CSNK2A2IP: variants seen among roughly 807,000 people sequenced by gnomAD.
CSNK2A2IP encodes casein kinase 2 subunit alpha' interacting protein.
At chr3:88,435,425 T>C in the CSNK2A2IP span, among the ~76,000 whole-genome samples, 3 of 152,110 alleles carry the variant, frequency 2.0e-5, no homozygotes, top group Non-Finnish European at 4.4e-5. Context: ...AAGAAGAAAA[T>C]GGTCTCTTGG....
the CSNK2A2IP span, among the ~76,000 whole-genome samples, chr3:88,353,044 A>C: frequency 2.6e-5 from 4 of 152,206 alleles, no homozygotes; most frequent in Admixed American, 6.5e-5. Flanking sequence ...TTCTAAAAAA[A>C]TAAGGGCAAA....
chr3:88,438,933 C>A, the CSNK2A2IP span, among the ~76,000 whole-genome samples: 1 of 151,980 alleles, frequency 6.6e-6, no homozygotes, highest in East Asian at 1.9e-4. Flanking sequence ...TCATGTATCA[C>A]CGCTCCCAAA....
the CSNK2A2IP span, among the ~76,000 whole-genome samples, chr3:88,398,313 T>C: frequency 6.6e-6 from 1 of 152,148 alleles, no homozygotes; most frequent in African/African-American, 2.4e-5. Context: ...TAGAATAAGA[T>C]ACTTAAAAAT....
the CSNK2A2IP span, among the ~76,000 whole-genome samples, chr3:88,396,055 T>C: frequency 1.3e-5 from 2 of 151,824 alleles, no homozygotes; most frequent in African/African-American, 2.4e-5. Context: ...GAAACAGACA[T>C]TGATAAAAGA....
chr3:88,377,988 A>T, the CSNK2A2IP span, among the ~76,000 whole-genome samples: 3 of 152,040 alleles, frequency 2.0e-5, no homozygotes, highest in East Asian at 5.8e-4. Context: ...CATTTTTCAC[A>T]TACCTCAAAA....
the CSNK2A2IP span, among the ~76,000 whole-genome samples, chr3:88,363,188 C>G: frequency 6.6e-6 from 1 of 152,144 alleles, no homozygotes; most frequent in African/African-American, 2.4e-5. Flanking sequence ...CTCTTCAAGG[C>G]TTCTTTTCTT....
chr3:88,381,636 C>A, the CSNK2A2IP span, among the ~76,000 whole-genome samples: 3 of 152,146 alleles, frequency 2.0e-5, no homozygotes, highest in African/African-American at 7.2e-5. Flanking sequence ...AGACTCCAAG[C>A]ATGGAGACCC....
chr3:88,419,614 A>G, the CSNK2A2IP span, among the ~76,000 whole-genome samples: 4 of 152,128 alleles, frequency 2.6e-5, no homozygotes, highest in Admixed American at 1.3e-4. Context: ...TTCTTTGGAT[A>G]TATACTCAGT....
the CSNK2A2IP span, among the ~76,000 whole-genome samples, chr3:88,454,594 T>G: frequency 6.6e-6 from 1 of 151,912 alleles, no homozygotes; most frequent in Non-Finnish European, 1.5e-5. Flanking sequence ...ATTTTTGTAT[T>G]TACTTTGAGG....
chr3:88,386,004 A>G, the CSNK2A2IP span, among the ~76,000 whole-genome samples: 9 of 152,202 alleles, frequency 5.9e-5, no homozygotes, highest in Non-Finnish European at 1.0e-4. Context: ...ATAGTGGAAA[A>G]TATGTGAAAT....
chr3:88,410,395 T>G, the CSNK2A2IP span, among the ~76,000 whole-genome samples: 2 of 152,038 alleles, frequency 1.3e-5, no homozygotes, highest in African/African-American at 2.4e-5. Context: ...GGGACTCATA[T>G]GTTTATAAAG....
chr3:88,339,004 T>A, the CSNK2A2IP span, among the ~76,000 whole-genome samples: 47 of 152,222 alleles, frequency 3.1e-4, no homozygotes, highest in African/African-American at 1.1e-3. Flanking sequence ...TGTGTAATGT[T>A]CAAACCAGGG....
At chr3:88,393,966 C>A in the CSNK2A2IP span, among the ~76,000 whole-genome samples, 2 of 152,074 alleles carry the variant, frequency 1.3e-5, no homozygotes, top group Non-Finnish European at 2.9e-5. Context: ...CGCTAGGGGA[C>A]AATGATGACA....
chr3:88,395,089 G>A, the CSNK2A2IP span, among the ~76,000 whole-genome samples: 1 of 152,188 alleles, frequency 6.6e-6, no homozygotes, highest in Non-Finnish European at 1.5e-5. Flanking sequence ...GTGTGCATGT[G>A]TGTTTAAGTA....
At chr3:88,427,280 A>G in the CSNK2A2IP span, among the ~76,000 whole-genome samples, 7 of 152,212 alleles carry the variant, frequency 4.6e-5, no homozygotes, top group Non-Finnish European at 8.8e-5. Flanking sequence ...ATGATTTAGG[A>G]TATCTGGCAG....
chr3:88,345,388 CAT>C, the CSNK2A2IP span, among the ~76,000 whole-genome samples: 2 of 151,954 alleles, frequency 1.3e-5, no homozygotes, highest in Non-Finnish European at 2.9e-5. Context: ...AAATTACAGG[CAT>C]ACCTCGTTTA....
chr3:88,465,358 A>G, the CSNK2A2IP span: 1 of 1,231,530 alleles, frequency 8.1e-7, no homozygotes, highest in South Asian at 4.1e-5. Flanking sequence ...ACAACACAAG[A>G]TGGTGCCACT....
the CSNK2A2IP span, among the ~76,000 whole-genome samples, chr3:88,435,066 G>T: frequency 1.3e-5 from 2 of 152,156 alleles, no homozygotes; most frequent in Non-Finnish European, 2.9e-5. Context: ...AGGGTGATGG[G>T]CAGGAGAGTT....
chr3:88,357,350 T>C, the CSNK2A2IP span, among the ~76,000 whole-genome samples: 1 of 152,160 alleles, frequency 6.6e-6, no homozygotes, highest in Non-Finnish European at 1.5e-5. Context: ...CAGTGTATGT[T>C]CTTGGCACTT....
Sources: allele counts gnomAD v4.1 joint callset (sites outside exome capture counted in the v4.1 genomes callset), GRCh38; gene constraint gnomAD v4.1.1; transcripts MANE v1.5; gene names NCBI Gene and HGNC (gene_info 2026-07-23, HGNC 2026-07-21).